The following SDHB variants were observed in gnomAD, a reference collection of about 807,000 sequenced individuals.
The protein encoded by SDHB is succinate dehydrogenase [ubiquinone] iron-sulfur subunit, mitochondrial.
A neutral mutation model predicts 39.7 loss-of-function variants in SDHB; 21 were observed. The observed-to-expected ratio is 0.53, with a 90% CI of 0.37 to 0.76. The LOEUF is 0.76. Among genes scored for constraint, SDHB ranks in the 30% least tolerant of loss-of-function variants. SDHB has a pLI of 0.00. For synonymous variants in SDHB, 118 were observed against 117.0 expected, an observed-to-expected ratio of 1.01 and a Z score of -0.06; for missense variants, 343 against 350.9, an observed-to-expected ratio of 0.98 and a Z score of 0.18.
Position 17,044,890 on chromosome 1 carries a change from T to G in SDHB, c.73-2A>C. Reference sequence around the variant, plus strand: ...AGCTGTCTGGGCTCCTCGGGAGGCCTGAAATTTTTTAAAGTTCACAAAAAG... The same window carrying G: ...AGCTGTCTGGGCTCCTCGGGAGGCCGGAAATTTTTTAAAGTTCACAAAAAG... On this transcript the variant is annotated splice_acceptor_variant, in intron 1 of 7. Transcript: ENST00000375499. LOFTEE classifies it high-confidence loss of function. 6.2e-7 allele frequency: 1 copy of G among 1,613,186 alleles called. No homozygotes were observed. Among genetic ancestry groups the G allele is most frequent in the Non-Finnish European group, 8.5e-7 (1 of 1,179,712 alleles).
intron 5 of SDHB, among the ~76,000 whole-genome samples, chr1:17,024,860 A>C (rs1390683593): frequency 6.6e-6 from 1 of 152,212 alleles, no homozygotes; most frequent in Non-Finnish European, 1.5e-5. Flanking sequence ...GCCCACTGAC[A>C]CCTGAAGTGA....
intron 1 of SDHB, among the ~76,000 whole-genome samples, chr1:17,046,343 C>T (rs2078110238): frequency 7.2e-6 from 1 of 139,264 alleles, no homozygotes; most frequent in Non-Finnish European, 1.6e-5. Flanking sequence ...ACTTTGCTTG[C>T]TTAATGTCCC....
intron 2 of SDHB, among the ~76,000 whole-genome samples, chr1:17,040,016 ATTCTT>A (rs1379950942): frequency 2.0e-5 from 3 of 152,162 alleles, no homozygotes; most frequent in African/African-American, 7.2e-5. Flanking sequence ...CTGGCCATGA[ATTCTT>A]TTCTTTTCTG....
chr1:17,040,943 A>G (rs1157530435), intron 2 of SDHB, among the ~76,000 whole-genome samples: 1 of 152,130 alleles, frequency 6.6e-6, no homozygotes, highest in African/African-American at 2.4e-5. Flanking sequence ...CAGCCTGCCA[A>G]CATGGCGAAA....
At chr1:17,037,370 T>C (rs1280947369) in intron 2 of SDHB, among the ~76,000 whole-genome samples, 2 of 150,932 alleles carry the variant, frequency 1.3e-5, no homozygotes, top group Non-Finnish European at 3.0e-5. Context: ...CATGGAATCA[T>C]GGCTCACTGC....
chr1:17,043,257 G>A (rs539726876), intron 2 of SDHB, among the ~76,000 whole-genome samples: 22 of 152,070 alleles, frequency 1.4e-4, no homozygotes, highest in African/African-American at 4.8e-4. Flanking sequence ...CACCGCGCCC[G>A]GCCTGTTTAT....
intron 1 of SDHB, among the ~76,000 whole-genome samples, chr1:17,046,350 T>C (rs933088719): frequency 8.2e-6 from 1 of 121,510 alleles, no homozygotes; most frequent in Non-Finnish European, 2.1e-5. Flanking sequence ...TTGCTTAATG[T>C]CCCATTTTTT....
intron 1 of SDHB, among the ~76,000 whole-genome samples, chr1:17,046,521 C>T (rs2078111004): frequency 6.6e-6 from 1 of 152,090 alleles, no homozygotes; most frequent in Admixed American, 6.6e-5. Flanking sequence ...TGATGGCAAA[C>T]ATAAGTCCCC....
At position 17,050,967 on chromosome 1, in the gene SDHB, T is replaced by C. The variant is rs139798483; in HGVS notation, c.72+2981A>G. ...CATCTCTATGAAAAATGTTTTGTTG[T>C]TCCCAGTTAAAAGACGAGGATAGGA... On this transcript the variant is annotated intron_variant, in intron 1 of 7. Coordinates refer to ENST00000375499, the MANE Select transcript of SDHB (RefSeq NM_003000.3). Among the ~76,000 whole-genome samples, 811 of 152,368 alleles carry C rather than the reference T, an allele frequency of 5.3e-3. 9 individuals are homozygous for C. The highest frequency in any genetic ancestry group is 0.019 in the African/African-American group (780 of 41,580).
intron 5 of SDHB, among the ~76,000 whole-genome samples, chr1:17,025,012 C>A (rs1466781657): frequency 2.6e-5 from 4 of 152,060 alleles, no homozygotes; most frequent in Admixed American, 6.6e-5. Context: ...GGATTAAGAG[C>A]CTTAAGAATA....
intron 2 of SDHB, among the ~76,000 whole-genome samples, chr1:17,039,578 T>C (rs2647156): frequency 0.1 from 15,940 of 151,976 alleles, 986 homozygotes; most frequent in African/African-American, 0.17. Context: ...ATGATTGTGC[T>C]ACTGCCTTCC....
intron 2 of SDHB, among the ~76,000 whole-genome samples, chr1:17,035,816 C>T (rs1476942783): frequency 1.3e-5 from 2 of 151,820 alleles, no homozygotes; most frequent in Non-Finnish European, 2.9e-5. Flanking sequence ...GCCGAGACCG[C>T]ACCACTGCAC....
chr1:17,030,972 T>TAA (rs781454655), intron 3 of SDHB, among the ~76,000 whole-genome samples: 1 of 147,462 alleles, frequency 6.8e-6, no homozygotes, highest in Non-Finnish European at 1.5e-5. Flanking sequence ...TTTTTTTTTT[T>TAA]AATGGAAAGG....
At chr1:17,024,163 T>C (rs1557740036) in intron 5 of SDHB, 89 bp from the exon 6 acceptor site, 2 of 912,392 alleles carry the variant, frequency 2.2e-6, no homozygotes, top group Admixed American at 2.0e-5. Context: ...TTGGGGTCAG[T>C]GCATGAACAA....
At chr1:17,033,243 C>A in intron 2 of SDHB, 98 bp from the exon 3 acceptor site, 1 of 995,916 alleles carries the variant, frequency 1.0e-6, no homozygotes, top group South Asian at 1.3e-5. Flanking sequence ...TTAGCTTATC[C>A]ATTTGGTCTT....
At position 17,023,472 on chromosome 1, in the gene SDHB, G is replaced by C. The variant is rs529480517; in HGVS notation, c.642+501C>G. Among the ~76,000 whole-genome samples the C allele has an allele frequency of 2.0e-5, 3 of 152,296 alleles. No individual in the cohort carries two copies. In the South Asian group the frequency reaches 6.2e-4, roughly 32 times the overall value. On this transcript the variant is annotated intron_variant, in intron 6 of 7. Transcript: ENST00000375499. ...CTGTGAAAAGCACGTATCTAAAAAA[G>C]CACAAGCTTTCTGGGAACAAAGACA...
At chr1:17,029,756 C>T (rs2078012876) in intron 3 of SDHB, among the ~76,000 whole-genome samples, 1 of 152,034 alleles carries the variant, frequency 6.6e-6, no homozygotes, top group African/African-American at 2.4e-5. Flanking sequence ...CTGAGTCTTG[C>T]TGTGTCACCC....
chr1:17,030,209 TG>T (rs955241410), intron 3 of SDHB, among the ~76,000 whole-genome samples: 3 of 152,018 alleles, frequency 2.0e-5, no homozygotes, highest in African/African-American at 4.8e-5. Flanking sequence ...AAAAAATAAT[TG>T]TTTTTTGTAG....
chr1:17,029,005 G>C (rs942327544), intron 3 of SDHB, among the ~76,000 whole-genome samples: 1 of 151,844 alleles, frequency 6.6e-6, no homozygotes, highest in East Asian at 1.9e-4. Context: ...CACTGGAGGA[G>C]GCCAGAGGCC....
Sources: gnomAD v4.1 joint callset for allele counts (sites outside exome capture counted in the v4.1 genomes callset) on GRCh38, gnomAD v4.1.1 for gene constraint, MANE v1.5 for transcripts, NCBI Gene and HGNC (gene_info 2026-07-23, HGNC 2026-07-21) for gene names.